The following PDE10A variants were observed in gnomAD, a reference collection of about 807,000 sequenced individuals.
The protein encoded by PDE10A is phosphodiesterase 10A.
Under a neutral mutation model 97.7 loss-of-function variants are expected in PDE10A, and 39 were observed. The observed-to-expected ratio is 0.40, with a 90% CI of 0.31 to 0.52. The LOEUF (loss-of-function observed/expected upper bound fraction) is 0.52. Among genes scored for constraint, PDE10A ranks in the 20% least tolerant of loss-of-function variants. The pLI, the probability that PDE10A is intolerant of heterozygous loss-of-function variation, is 0.56. For synonymous variants in PDE10A, 371 were observed against 376.8 expected, an observed-to-expected ratio of 0.98 and a Z score of 0.18; for missense variants, 731 against 1,047.8, an observed-to-expected ratio of 0.70 and a Z score of 4.17.
intron 1 of PDE10A, among the ~76,000 whole-genome samples, chr6:165,936,565 T>C (rs1405335491): frequency 6.6e-6 from 1 of 152,130 alleles, no homozygotes; most frequent in Non-Finnish European, 1.5e-5. Flanking sequence ...ACTGGCTGTG[T>C]CTATTGTGTG....
intron 2 of PDE10A, among the ~76,000 whole-genome samples, chr6:165,489,657 C>A (rs1163761912): frequency 6.6e-6 from 1 of 151,870 alleles, no homozygotes; most frequent in Non-Finnish European, 1.5e-5. Context: ...TAAGGAGGCA[C>A]CAGAGAAAGG....
intron 1 of PDE10A, among the ~76,000 whole-genome samples, chr6:165,640,708 A>C (rs999126698): frequency 6.6e-6 from 1 of 152,274 alleles, no homozygotes; most frequent in Admixed American, 6.5e-5. Flanking sequence ...TGATAAACTA[A>C]GCGATGTTGT....
At chr6:165,448,868 T>C (rs1162356874) in intron 5 of PDE10A, 60 bp downstream of exon 5, 2 of 1,024,486 alleles carry the variant, frequency 2.0e-6, no homozygotes, top group Non-Finnish European at 1.5e-6. Context: ...TATAACTTTT[T>C]TAAAGGAGCT....
At chr6:165,674,514 A>G (rs1790740105) in intron 1 of PDE10A, among the ~76,000 whole-genome samples, 2 of 152,102 alleles carry the variant, frequency 1.3e-5, no homozygotes, top group East Asian at 3.9e-4. Context: ...GAACCGTGAG[A>G]CCACTGCCTG....
intron 1 of PDE10A, chr6:165,894,152 C>T: frequency 2.7e-6 from 1 of 365,740 alleles, no homozygotes; most frequent in Non-Finnish European, 5.4e-6. Context: ...GGTGTTTGTT[C>T]AATATGACAG....
At chr6:165,725,265 C>T (rs1002432318) in intron 1 of PDE10A, among the ~76,000 whole-genome samples, 3 of 152,220 alleles carry the variant, frequency 2.0e-5, no homozygotes, top group African/African-American at 7.2e-5. Flanking sequence ...GCCCTCTGTC[C>T]CTGCAATAAG....
chr6:165,661,616 A>G lies in PDE10A; in HGVS notation c.865+331T>C. ...AAAGTTGAGTATAAATACGCGCCGG[A>G]CAAGTGTGGCCAGAAACGGCACGAG... is the stretch of plus-strand genomic sequence containing the variant. On this transcript the variant is annotated intron_variant, in intron 1 of 21. Transcript: ENST00000539869. This position sits in a 1 kb window ranked among gnomAD's most constrained non-coding sequence, Gnocchi z 4.8. 3 of 314,480 alleles carry G rather than the reference A, an allele frequency of 9.5e-6. No homozygotes were observed. The highest frequency in any genetic ancestry group is 1.7e-5 in the Non-Finnish European group (3 of 173,016). The allele number at this position is 314,480 out of a possible 1,614,324, so 19.5% of individuals were successfully genotyped here. A position where few individuals can be genotyped will look rare whatever the true frequency, so the allele number is the denominator to read the frequency against.
chr6:165,524,309 T>C (rs1047057258), intron 2 of PDE10A, among the ~76,000 whole-genome samples: 39 of 152,158 alleles, frequency 2.6e-4, no homozygotes, highest in African/African-American at 8.7e-4. Context: ...TGAAGTTCTT[T>C]CGTTGGTTTT....
At chr6:165,951,390 C>A (rs1254682076) in intron 1 of PDE10A, among the ~76,000 whole-genome samples, 2 of 152,128 alleles carry the variant, frequency 1.3e-5, no homozygotes, top group East Asian at 3.9e-4. Flanking sequence ...AACCTGAGAT[C>A]CCTTTCTGGG....
chr6:165,805,106 CAGAGGGGCGCAT>C (rs1779097719), intron 1 of PDE10A, among the ~76,000 whole-genome samples: 5 of 141,800 alleles, frequency 3.5e-5, no homozygotes, highest in African/African-American at 1.3e-4. Flanking sequence ...TGGGGTCGAG[CAGAGGGGCGCAT>C]GGAGGGGAGC....
At chr6:165,831,796 T>A (rs950239475) in intron 1 of PDE10A, among the ~76,000 whole-genome samples, 25 of 152,212 alleles carry the variant, frequency 1.6e-4, no homozygotes, top group Admixed American at 1.6e-3. Flanking sequence ...CAGGAATCAT[T>A]TCCTTAGTAA....
chr6:165,391,901 A>T (rs1785747337), intron 16 of PDE10A, among the ~76,000 whole-genome samples: 1 of 152,222 alleles, frequency 6.6e-6, no homozygotes. Flanking sequence ...CTGGACAGTC[A>T]TAGGTCCCCT....
At chr6:165,932,263 A>AT (rs1186904925) in intron 1 of PDE10A, among the ~76,000 whole-genome samples, 1 of 152,102 alleles carries the variant, frequency 6.6e-6, no homozygotes, top group African/African-American at 2.4e-5. Context: ...ACTTTGTTAC[A>AT]TTTTTTATCT....
chr6:165,714,264 T>A (rs1485384642), intron 1 of PDE10A, among the ~76,000 whole-genome samples: 2 of 152,146 alleles, frequency 1.3e-5, no homozygotes, highest in African/African-American at 2.4e-5. Context: ...CTTGACCCGA[T>A]GGGAGCCTGC....
chr6:165,431,540 A>G (rs1021936260), intron 7 of PDE10A, 68 bp from the exon 8 acceptor site: 4 of 219,034 alleles, frequency 1.8e-5, no homozygotes, highest in South Asian at 1.3e-4. Context: ...ACTATATATA[A>G]TATACTATAT....
intron 1 of PDE10A, among the ~76,000 whole-genome samples, chr6:165,833,726 C>T (rs1293807570): frequency 4.6e-5 from 7 of 152,224 alleles, no homozygotes; most frequent in African/African-American, 1.4e-4. Context: ...ATCATGCACA[C>T]CTGGATTGGC....
At chr6:165,886,287 T>C (rs1157649906) in intron 1 of PDE10A, among the ~76,000 whole-genome samples, 1 of 142,432 alleles carries the variant, frequency 7.0e-6, no homozygotes, top group Admixed American at 7.0e-5. Context: ...GGCCCTGGAG[T>C]CCTGCAGCCC....
intron 1 of PDE10A, among the ~76,000 whole-genome samples, chr6:165,640,019 G>T (rs1204983587): frequency 1.3e-5 from 2 of 151,294 alleles, no homozygotes. Flanking sequence ...GCAGTGAGCT[G>T]TGATCGCACC....
intron 1 of PDE10A, among the ~76,000 whole-genome samples, chr6:165,932,085 G>A (rs1783153861): frequency 6.6e-6 from 1 of 152,102 alleles, no homozygotes; most frequent in Non-Finnish European, 1.5e-5. Flanking sequence ...CCCAGGAAAT[G>A]CAGCTCCACA....
Sources: gnomAD v4.1 joint callset for allele counts (sites outside exome capture counted in the v4.1 genomes callset) on GRCh38, gnomAD v4.1.1 for gene constraint, Gnocchi (gnomAD v3.1) non-coding constraint, MANE v1.5 for transcripts, NCBI Gene and HGNC (gene_info 2026-07-23, HGNC 2026-07-21) for gene names.